The following IL31RA variants were observed in gnomAD, a reference collection of about 807,000 sequenced individuals.
The protein encoded by IL31RA is interleukin 31 receptor A.
In IL31RA, 66 loss-of-function variants were observed where a neutral mutation model predicts 83.7. The observed-to-expected ratio is 0.79, with a 90% CI of 0.65 to 0.97. The LOEUF (loss-of-function observed/expected upper bound fraction) is 0.97, where lower values mean the gene tolerates loss of function less well. Among genes scored for constraint, IL31RA ranks in the 50% least tolerant of loss-of-function variants. The probability of loss-of-function intolerance (pLI) is 0.00; values close to 1 mark genes in which losing one functional copy is unlikely to be tolerated. For missense variants in IL31RA, 798 were observed against 919.4 expected (o/e 0.87, Z 1.71); for synonymous variants, 325 against 329.0 (o/e 0.99, Z 0.13).
In IL31RA at chr5:55,872,329, C is replaced by T; in HGVS notation, c.332C>T (p.Ala111Val). 1.2e-6 allele frequency: 2 copies of T among 1,613,260 alleles called. No homozygotes were observed. Among genetic ancestry groups the T allele is most frequent in the Non-Finnish European group, 1.7e-6 (2 of 1,179,360 alleles). Residue 111 changes from alanine to valine, a missense_variant, in exon 4 of 15, where the codon GCT (alanine) becomes GTT (valine). Transcript: ENST00000652347. ...TTNSSTSENR[A>V]SCSFFLPRIT... Reference sequence around the variant, plus strand: ...AATAGTTCTACAAGTGAAAATCGTGCTTCGTGCTCTTTTTTCCTTCCAAGA... The same window carrying T: ...AATAGTTCTACAAGTGAAAATCGTGTTTCGTGCTCTTTTTTCCTTCCAAGA...
At position 55,922,060 on chromosome 5, in the gene IL31RA, G is replaced by GT. The variant is rs11394491; in HGVS notation, c.*4940_*4941insT. On this transcript the variant is annotated 3_prime_UTR_variant, in exon 15 of 15. Coordinates refer to ENST00000652347, the MANE Select transcript of IL31RA (RefSeq NM_139017.7). ...TTGCACTCTTATGTTGTGGCGGGGG[G>GT]GGGGGGCGGTTCCTGAAGAGTGGAG... is the stretch of plus-strand genomic sequence containing the variant. Among the ~76,000 whole-genome samples, 6,661 of 145,488 alleles carry GT rather than the reference G, an allele frequency of 0.046. 903 individuals carry two copies. The highest frequency in any genetic ancestry group is 0.17 in the African/African-American group (6,252 of 37,048).
At chr5:55,905,083 C>T (rs1749059904) in intron 8 of IL31RA, among the ~76,000 whole-genome samples, 1 of 151,424 alleles carries the variant, frequency 6.6e-6, no homozygotes, top group African/African-American at 2.4e-5. Flanking sequence ...TACCTATAGT[C>T]CCAGCTACTC....
rs535320587 is a variant in IL31RA at position 55,899,846 on chromosome 5, G to A, written c.853-70G>A. On this transcript the variant is annotated intron_variant, in intron 7 of 14. Coordinates refer to ENST00000652347, the MANE Select transcript of IL31RA (RefSeq NM_139017.7). Reference sequence around the variant, plus strand: ...CTTATTCCCCACCCTCACCCCCACCGCTTCTCACTGTCTCAATGCCTTTCT... The same window carrying A: ...CTTATTCCCCACCCTCACCCCCACCACTTCTCACTGTCTCAATGCCTTTCT... 55 of 1,074,584 alleles carry A rather than the reference G, an allele frequency of 5.1e-5. No homozygotes were observed. The East Asian group carries it at 1.2e-3, about 23-fold the overall frequency. The allele number at this position is 1,074,584 out of a possible 1,614,324, so 66.6% of individuals were successfully genotyped here. A position where few individuals can be genotyped will look rare whatever the true frequency, so the allele number is the denominator to read the frequency against.
intron 3 of IL31RA, among the ~76,000 whole-genome samples, chr5:55,870,598 G>A (rs1469346799): frequency 6.6e-6 from 1 of 151,980 alleles, no homozygotes; most frequent in Admixed American, 6.6e-5. Context: ...TCACCAGTTG[G>A]ACATGGAGAA....
intron 2 of IL31RA, among the ~76,000 whole-genome samples, chr5:55,865,164 AGCT>A (rs1396089510): frequency 5.3e-5 from 8 of 152,376 alleles, no homozygotes; most frequent in Admixed American, 2.0e-4. Flanking sequence ...TTAATGGTGT[AGCT>A]TTCAATCTCT....
intron 2 of IL31RA, among the ~76,000 whole-genome samples, chr5:55,867,147 GCATGTGTGTT>G (rs1746134097): frequency 3.1e-5 from 4 of 130,014 alleles, no homozygotes; most frequent in African/African-American, 8.4e-5. Flanking sequence ...ATGTGTGTGT[GCATGTGTGTT>G]TGTGTGTGTG....
chr5:55,845,598 C>T, the IL31RA span, among the ~76,000 whole-genome samples: 13 of 152,124 alleles, frequency 8.5e-5, no homozygotes, highest in Non-Finnish European at 1.3e-4. Context: ...CACATGGGAT[C>T]TCACGGTTTT....
chr5:55,856,690 G>T (rs1282908868), intron 1 of IL31RA, among the ~76,000 whole-genome samples: 1 of 152,200 alleles, frequency 6.6e-6, no homozygotes, highest in Non-Finnish European at 1.5e-5. Flanking sequence ...GGGTTTTGAA[G>T]TATCTTTCAT....
chr5:55,916,563 T>C, intron 14 of IL31RA, 81 bp from the exon 15 acceptor site: 1 of 1,198,996 alleles, frequency 8.3e-7, no homozygotes, highest in Non-Finnish European at 1.2e-6. Flanking sequence ...GGGCATTTGC[T>C]GTCCCAAGCC....
chr5:55,878,861 A>G (rs1278888149), intron 4 of IL31RA, among the ~76,000 whole-genome samples: 2 of 152,132 alleles, frequency 1.3e-5, no homozygotes, highest in African/African-American at 4.8e-5. Context: ...CATGCTGCCC[A>G]GGCCAGTTTC....
chr5:55,891,051 A>G (rs1265559424), intron 6 of IL31RA, among the ~76,000 whole-genome samples: 1 of 152,228 alleles, frequency 6.6e-6, no homozygotes, highest in African/African-American at 2.4e-5. Flanking sequence ...TAAAGATTAA[A>G]TGAAATAATG....
chr5:55,859,687 T>A, intron 2 of IL31RA, 88 bp downstream of exon 2: 1 of 917,574 alleles, frequency 1.1e-6, no homozygotes, highest in Non-Finnish European at 1.8e-6. Context: ...GACACCTGGA[T>A]TATGGACATC....
At chr5:55,845,165 A>C in the IL31RA span, among the ~76,000 whole-genome samples, 1 of 152,148 alleles carries the variant, frequency 6.6e-6, no homozygotes, top group African/African-American at 2.4e-5. Context: ...AGTATGCCTT[A>C]TAACATTTTG....
intron 11 of IL31RA, among the ~76,000 whole-genome samples, chr5:55,909,574 G>A (rs555440539): frequency 2.0e-5 from 3 of 151,948 alleles, no homozygotes; most frequent in African/African-American, 7.2e-5. Context: ...TTGTCAATAC[G>A]TGTTATTTTT....
chr5:55,882,908 C>A, intron 4 of IL31RA, 136 bp from the exon 5 acceptor site: 2 of 773,660 alleles, frequency 2.6e-6, no homozygotes, highest in Non-Finnish European at 4.4e-6. Flanking sequence ...TCCTTTTGTA[C>A]TGCCTTGCAA....
chr5:55,846,139 C>T, the IL31RA span, among the ~76,000 whole-genome samples: 1 of 152,230 alleles, frequency 6.6e-6, no homozygotes, highest in Non-Finnish European at 1.5e-5. Context: ...ATCCACCTGT[C>T]TGTCTCTCCA....
At chr5:55,908,969 C>T in intron 11 of IL31RA, 2 of 839,038 alleles carry the variant, frequency 2.4e-6, no homozygotes, top group Non-Finnish European at 3.0e-6. Flanking sequence ...CAATATTGTG[C>T]AACCATCACC....
intron 11 of IL31RA, 39 bp from the exon 12 acceptor site, chr5:55,910,493 G>A (rs746112687): frequency 6.2e-7 from 1 of 1,613,436 alleles, no homozygotes; most frequent in South Asian, 1.1e-5. Flanking sequence ...TTTCAGTCTG[G>A]TTTGGCTGTG....
intron 3 of IL31RA, among the ~76,000 whole-genome samples, chr5:55,870,962 A>T (rs2112375904): frequency 6.6e-6 from 1 of 152,380 alleles, no homozygotes; most frequent in South Asian, 2.1e-4. Context: ...CACAGCATGA[A>T]TAAATGCAGA....
Sources: allele counts gnomAD v4.1 joint callset (sites outside exome capture counted in the v4.1 genomes callset), GRCh38; gene constraint gnomAD v4.1.1; transcripts MANE v1.5; gene names NCBI Gene and HGNC (gene_info 2026-07-23, HGNC 2026-07-21).